Variants in TVP23A observed in about 807,000 individuals in gnomAD.
TVP23A encodes the protein Golgi apparatus membrane protein TVP23 homolog A.
Under a neutral mutation model 31.7 loss-of-function variants are expected in TVP23A, and 21 were observed. The observed-to-expected ratio is 0.66, with a 90% CI of 0.47 to 0.95. The LOEUF (loss-of-function observed/expected upper bound fraction) is 0.95, where lower values mean the gene tolerates loss of function less well. TVP23A is among the 40% of genes least tolerant of loss of function. The pLI is 0.00. For missense variants in TVP23A, 279 were observed against 255.6 expected, an observed-to-expected ratio of 1.09 and a Z score of -0.62; for synonymous variants, 104 against 96.0, an observed-to-expected ratio of 1.08 and a Z score of -0.49.
At chr16:10,774,522 C>T (rs572793089) in intron 3 of TVP23A, among the ~76,000 whole-genome samples, 32 of 151,652 alleles carry the variant, frequency 2.1e-4, no homozygotes, top group South Asian at 2.1e-3. Flanking sequence ...TTCCCCCACA[C>T]TGTTCTCATG....
At chr16:10,799,663 ATGT>A (rs568925235) in intron 2 of TVP23A, among the ~76,000 whole-genome samples, 69 of 152,232 alleles carry the variant, frequency 4.5e-4, no homozygotes, top group Non-Finnish European at 9.1e-4. Context: ...TGCATAAGGT[ATGT>A]TGTTGTGTTA....
chr16:10,793,996 T>C (rs1003479422), intron 2 of TVP23A, among the ~76,000 whole-genome samples: 3 of 149,286 alleles, frequency 2.0e-5, no homozygotes, highest in African/African-American at 7.4e-5. Flanking sequence ...ACTCGGTATC[T>C]GGTGAGGGTC....
At position 10,770,288 on chromosome 16, in the gene TVP23A, T is replaced by C. The variant is rs1255344362; in HGVS notation, c.626A>G (p.Glu209Gly). 1 of 1,550,918 alleles carries C rather than the reference T, an allele frequency of 6.4e-7. No individual in the cohort carries two copies. The highest frequency in any genetic ancestry group is 1.2e-5 in the South Asian group (1 of 83,918). ...DFQKPGLEGLEIHQH is the reference protein window; with the variant it reads ...DFQKPGLEGLGIHQH ...ATTTCTCACCTAATGCTGGTGAATC[T>C]CCAGCCCCTCGAGGCCAGGCTTCTG... The change falls in exon 7 of 8, where the codon GAG becomes GGG. Residue 209 changes from glutamate (E) to glycine (G), a missense_variant. Coordinates refer to ENST00000299866, the MANE Select transcript of TVP23A (RefSeq NM_001079512.4).
intron 2 of TVP23A, among the ~76,000 whole-genome samples, chr16:10,794,023 G>A (rs1006481398): frequency 6.6e-6 from 1 of 151,460 alleles, no homozygotes; most frequent in African/African-American, 2.4e-5. Flanking sequence ...CTGCTCCCAA[G>A]GTGATGCATT....
chr16:10,771,530 G>C, intron 6 of TVP23A, 140 bp downstream of exon 6: 3 of 1,146,978 alleles, frequency 2.6e-6, no homozygotes, highest in Middle Eastern at 2.8e-4. Context: ...GCGAGATCCT[G>C]TCTCCCAAAA....
chr16:10,774,604 C>CTCTG (rs1264122308), intron 3 of TVP23A, among the ~76,000 whole-genome samples: 3 of 145,886 alleles, frequency 2.1e-5, no homozygotes, highest in African/African-American at 7.7e-5. Context: ...CTCATTCTCT[C>CTCTG]TCTTTTTTTT....
intron 2 of TVP23A, among the ~76,000 whole-genome samples, chr16:10,798,307 T>C (rs2033517461): frequency 6.6e-6 from 1 of 152,088 alleles, no homozygotes; most frequent in African/African-American, 2.4e-5. Context: ...TCCTTTCAAA[T>C]TACAGTTCTG....
At chr16:10,778,818 T>C (rs965280468) in intron 2 of TVP23A, among the ~76,000 whole-genome samples, 4 of 151,978 alleles carry the variant, frequency 2.6e-5, no homozygotes, top group African/African-American at 7.3e-5. Context: ...CTACAAAAAT[T>C]AGCCAGGCCT....
intron 6 of TVP23A, among the ~76,000 whole-genome samples, chr16:10,771,192 T>C (rs970223232): frequency 6.6e-6 from 1 of 152,216 alleles, no homozygotes; most frequent in African/African-American, 2.4e-5. Flanking sequence ...GCCACAGAAC[T>C]ATACATTTTA....
chr16:10,770,826 G>A (rs2031544482), intron 6 of TVP23A, among the ~76,000 whole-genome samples: 1 of 127,368 alleles, frequency 7.9e-6, no homozygotes. Context: ...GCCAACACAT[G>A]CCATTGCACT....
At chr16:10,776,381 T>A (rs1417125594) in intron 2 of TVP23A, among the ~76,000 whole-genome samples, 1 of 151,084 alleles carries the variant, frequency 6.6e-6, no homozygotes, top group East Asian at 1.9e-4. Context: ...ACTCAAAAAA[T>A]AAAAAAATAA....
rs1254973828 is a variant in TVP23A at position 10,818,654 on chromosome 16, G to A, written c.-161C>T. 1.2e-5 allele frequency: 10 copies of A among 856,940 alleles called. No individual in the cohort carries two copies. Among genetic ancestry groups the A allele is most frequent in the African/African-American group, 1.8e-5 (1 of 55,090 alleles). The allele number at this position is 856,940 out of a possible 1,614,324, so 53.1% of individuals were successfully genotyped here. ...GGGGCAGCCTCAGCGCAGCTTCTCG[G>A]GTGGGGCGGGGCGCTCGGGGCCTAA... On this transcript the variant is annotated 5_prime_UTR_variant, in exon 1 of 8. Transcript: ENST00000299866. The surrounding 1 kb of genome is among the most constrained non-coding windows in gnomAD (Gnocchi z 4.7).
At position 10,768,363 on chromosome 16, in the gene TVP23A, G is replaced by GTGAA. The variant is rs2031213055; in HGVS notation, c.*735_*738dup. The stretch of plus-strand genomic sequence containing the variant: ...CACACCTGGAATCCCAGCACTTTGG[G>GTGAA]TGAAGGAGGCAGGCAGATCACTTGA... On this transcript the variant is annotated 3_prime_UTR_variant, in exon 8 of 8. Coordinates refer to ENST00000299866, the MANE Select transcript of TVP23A (RefSeq NM_001079512.4). This position sits in a 1 kb window ranked among gnomAD's most constrained non-coding sequence, Gnocchi z 4.3. The GTGAA allele has an allele frequency of 5.5e-6, 1 of 182,490 alleles. No individual in the cohort carries two copies. The highest frequency in any genetic ancestry group is 1.1e-5 in the Non-Finnish European group (1 of 87,358). The allele number at this position is 182,490 out of a possible 1,614,324, so 11.3% of individuals were successfully genotyped here.
intron 2 of TVP23A, among the ~76,000 whole-genome samples, chr16:10,802,765 A>T (rs2033763363): frequency 6.6e-6 from 1 of 152,118 alleles, no homozygotes. Flanking sequence ...TTTTATTTGC[A>T]GTTTCATTAA....
At chr16:10,774,010 T>C (rs2031818074) in intron 4 of TVP23A, 29 bp downstream of exon 4, 1 of 1,566,630 alleles carries the variant, frequency 6.4e-7, no homozygotes, top group Non-Finnish European at 8.7e-7. Flanking sequence ...ATCCCCGCTC[T>C]GGTTAGTTCA....
downstream of TVP23A, chr16:10,766,534 A>C (rs1184967266): frequency 6.3e-6 from 1 of 158,498 alleles, no homozygotes; most frequent in Non-Finnish European, 1.4e-5. This position sits in a 1 kb window ranked among gnomAD's most constrained non-coding sequence, Gnocchi z 4.8. Context: ...TGGGATCCCC[A>C]ACCTCCCAGG....
chr16:10,758,613 A>G (rs1029554986), downstream of TVP23A, among the ~76,000 whole-genome samples: 3 of 152,200 alleles, frequency 2.0e-5, no homozygotes, highest in African/African-American at 7.2e-5. Flanking sequence ...TGAGGAAACT[A>G]GGGAAACCAC....
chr16:10,787,329 T>C (rs1372114313), intron 2 of TVP23A, among the ~76,000 whole-genome samples: 1 of 152,182 alleles, frequency 6.6e-6, no homozygotes, highest in African/African-American at 2.4e-5. Context: ...GAGCAGCCTG[T>C]AAAATCCAGC....
chr16:10,800,605 C>G (rs771825154), intron 2 of TVP23A, among the ~76,000 whole-genome samples: 5 of 152,156 alleles, frequency 3.3e-5, no homozygotes, highest in African/African-American at 4.8e-5. Flanking sequence ...TCAGCAAATA[C>G]TGAATCACTA....
Sources: gnomAD v4.1 joint callset for allele counts (sites outside exome capture counted in the v4.1 genomes callset) on GRCh38, gnomAD v4.1.1 for gene constraint, Gnocchi (gnomAD v3.1) non-coding constraint, MANE v1.5 for transcripts, NCBI Gene and HGNC (gene_info 2026-07-23, HGNC 2026-07-21) for gene names.